Variants in MAST4 observed in about 807,000 individuals in gnomAD.
MAST4 encodes the protein microtubule-associated serine/threonine-protein kinase 4.
Under a neutral mutation model 162.7 loss-of-function variants are expected in MAST4, and 89 were observed. That is an observed-to-expected ratio of 0.55 (90% CI 0.46 to 0.65). MAST4 has a LOEUF of 0.65. Among genes scored for constraint, MAST4 ranks in the 30% least tolerant of loss-of-function variants. The probability of loss-of-function intolerance (pLI) is 0.00; values close to 1 mark genes in which losing one functional copy is unlikely to be tolerated. For synonymous variants in MAST4, 1,479 were observed against 1,361.1 expected, an observed-to-expected ratio of 1.09 and a Z score of -1.91; for missense variants, 3,153 against 3,374.0, an observed-to-expected ratio of 0.93 and a Z score of 1.62.
At chr5:66,949,743 A>C (rs1744447301) in intron 4 of MAST4, among the ~76,000 whole-genome samples, 1 of 151,924 alleles carries the variant, frequency 6.6e-6, no homozygotes, top group South Asian at 2.1e-4. Flanking sequence ...TTTTAATCCT[A>C]TTTTTCGTGG....
At chr5:66,986,253 G>A (rs1201851388) in intron 4 of MAST4, among the ~76,000 whole-genome samples, 1 of 152,164 alleles carries the variant, frequency 6.6e-6, no homozygotes, top group Non-Finnish European at 1.5e-5. Context: ...GGAGCACAGA[G>A]CTGGGAAGGG....
chr5:66,869,844 G>C (rs1394292056), intron 3 of MAST4, among the ~76,000 whole-genome samples: 1 of 152,146 alleles, frequency 6.6e-6, no homozygotes, highest in Non-Finnish European at 1.5e-5. Flanking sequence ...TTTAAAGCCA[G>C]GGATTTTGTG....
At position 67,162,601 on chromosome 5, in the gene MAST4, C is replaced by T. The variant is rs1322805948; in HGVS notation, c.3786-6C>T. On this transcript the variant is annotated splice_region_variant and splice_polypyrimidine_tract_variant and intron_variant, in intron 27 of 28. Coordinates refer to ENST00000403625, the MANE Select transcript of MAST4 (RefSeq NM_001164664.2). ...GACTGAACAATTTTTTCCTGTTTTT[C>T]TGTAGGAGGAGATCTCTTTTCAAAA... 3 of 1,611,710 alleles carry T rather than the reference C, an allele frequency of 1.9e-6. No individual in the cohort carries two copies. Among genetic ancestry groups the T allele is most frequent in the South Asian group, 1.1e-5 (1 of 90,742 alleles).
chr5:66,631,070 T>C (rs1303529163), intron 1 of MAST4, among the ~76,000 whole-genome samples: 1 of 152,206 alleles, frequency 6.6e-6, no homozygotes, highest in Non-Finnish European at 1.5e-5. Flanking sequence ...TCCATGTTTT[T>C]TTCTCTTTTA....
chr5:66,989,766 G>C, intron 4 of MAST4, among the ~76,000 whole-genome samples: 1 of 152,014 alleles, frequency 6.6e-6, no homozygotes, highest in Admixed American at 6.6e-5. Flanking sequence ...AAATATGGTA[G>C]TTTTATTTAG....
intron 4 of MAST4, among the ~76,000 whole-genome samples, chr5:66,921,115 G>A (rs775800107): frequency 2.0e-5 from 3 of 152,120 alleles, no homozygotes; most frequent in Non-Finnish European, 2.9e-5. Flanking sequence ...AAAGAATAAG[G>A]TCAGGTGGCA....
chr5:66,880,407 T>A (rs932935049), intron 3 of MAST4, among the ~76,000 whole-genome samples: 2 of 152,188 alleles, frequency 1.3e-5, no homozygotes, highest in Admixed American at 6.5e-5. Flanking sequence ...TCTCTATACT[T>A]TATAGACTGT....
At chr5:66,679,532 G>A (rs1475471765) in intron 1 of MAST4, among the ~76,000 whole-genome samples, 1 of 151,810 alleles carries the variant, frequency 6.6e-6, no homozygotes, top group Non-Finnish European at 1.5e-5. Flanking sequence ...CTTCGCTGAA[G>A]AGGAGACCTG....
chr5:67,157,882 A>C (rs1772724722), intron 26 of MAST4, among the ~76,000 whole-genome samples: 1 of 152,240 alleles, frequency 6.6e-6, no homozygotes, highest in Non-Finnish European at 1.5e-5. Flanking sequence ...AATTTAGAGA[A>C]TATATATGAA....
At chr5:66,642,222 G>A (rs1156650546) in intron 1 of MAST4, among the ~76,000 whole-genome samples, 1 of 152,142 alleles carries the variant, frequency 6.6e-6, no homozygotes, top group Non-Finnish European at 1.5e-5. Context: ...TAGTGGAAAG[G>A]GGAACATGTT....
At chr5:66,604,087 G>T (rs922583753) in intron 1 of MAST4, among the ~76,000 whole-genome samples, 1 of 152,232 alleles carries the variant, frequency 6.6e-6, no homozygotes, top group Non-Finnish European at 1.5e-5. Flanking sequence ...AGGGTTAGGA[G>T]AGAAAGCCAT....
intron 5 of MAST4, among the ~76,000 whole-genome samples, chr5:67,056,041 C>T (rs1758771197): frequency 1.4e-5 from 2 of 146,620 alleles, no homozygotes; most frequent in Admixed American, 6.8e-5. Flanking sequence ...ATTATATATC[C>T]TATAATATGA....
chr5:66,625,408 C>A (rs539421940), intron 1 of MAST4, among the ~76,000 whole-genome samples: 11 of 152,140 alleles, frequency 7.2e-5, no homozygotes, highest in Non-Finnish European at 1.5e-4. Flanking sequence ...GGGATATAAC[C>A]CTTGTTGAGT....
At chr5:66,608,493 G>C (rs1216564375) in intron 1 of MAST4, among the ~76,000 whole-genome samples, 1 of 149,710 alleles carries the variant, frequency 6.7e-6, no homozygotes, top group East Asian at 2.0e-4. Flanking sequence ...AGGAAAATAT[G>C]GACGACTTAT....
intron 26 of MAST4, among the ~76,000 whole-genome samples, chr5:67,158,988 C>T (rs7720270): frequency 0.034 from 5,201 of 152,224 alleles, 207 homozygotes; most frequent in African/African-American, 0.098. Context: ...GAGCCGAGAT[C>T]GTGCCATTGC....
chr5:66,713,140 T>G (rs1162948065), intron 1 of MAST4, among the ~76,000 whole-genome samples: 2 of 152,228 alleles, frequency 1.3e-5, no homozygotes, highest in African/African-American at 4.8e-5. Context: ...GGTCTTTGTT[T>G]TTTTGTTTTT....
chr5:66,924,974 G>T, intron 4 of MAST4, among the ~76,000 whole-genome samples: 1 of 152,152 alleles, frequency 6.6e-6, no homozygotes, highest in South Asian at 2.1e-4. Context: ...AGCATGGATC[G>T]TTTTTTCTGA....
intron 3 of MAST4, among the ~76,000 whole-genome samples, chr5:66,898,584 C>G (rs533801074): frequency 6.6e-6 from 1 of 152,156 alleles, no homozygotes; most frequent in African/African-American, 2.4e-5. Context: ...TGGAGCTAAT[C>G]AAGGATTAAA....
chr5:66,995,161 CTT>C (rs1750489418), intron 4 of MAST4, among the ~76,000 whole-genome samples: 1 of 38,656 alleles, frequency 2.6e-5, no homozygotes, highest in Non-Finnish European at 8.2e-5. Flanking sequence ...GTAGGAAAGA[CTT>C]CTTTTTAAAA....
Sources: allele counts gnomAD v4.1 joint callset (sites outside exome capture counted in the v4.1 genomes callset), GRCh38; gene constraint gnomAD v4.1.1; transcripts MANE v1.5; gene names NCBI Gene and HGNC (gene_info 2026-07-23, HGNC 2026-07-21).